The following NHLRC2 variants were observed in gnomAD, a reference collection of about 807,000 sequenced individuals.
NHLRC2 encodes the protein NHL repeat containing 2.
NHLRC2 carries 33 observed loss-of-function variants against 68.1 expected under a neutral mutation model. The ratio of observed to expected loss-of-function variants is 0.48; its 90% confidence interval spans 0.37 to 0.65. The LOEUF is 0.65. Ranked by LOEUF, NHLRC2 falls within the 30% of genes least tolerant of loss-of-function variation. NHLRC2 has a pLI of 0.00. For missense variants in NHLRC2, 761 were observed against 853.8 expected (o/e 0.89, Z 1.35); for synonymous variants, 311 against 309.6 (o/e 1.00, Z -0.05).
chr10:113,864,461 A>C (rs915684552), intron 2 of NHLRC2, among the ~76,000 whole-genome samples: 6 of 152,190 alleles, frequency 3.9e-5, no homozygotes, highest in African/African-American at 1.2e-4. Context: ...GCACTTTGGG[A>C]GGCCAAGGCA....
intron 5 of NHLRC2, among the ~76,000 whole-genome samples, chr10:113,888,864 T>C (rs1174006853): frequency 1.4e-5 from 2 of 147,854 alleles, no homozygotes; most frequent in Non-Finnish European, 3.0e-5. Context: ...GCTCGCCATA[T>C]CACCTAGGCT....
intron 5 of NHLRC2, among the ~76,000 whole-genome samples, chr10:113,896,014 C>T (rs1846173714): frequency 6.6e-6 from 1 of 152,122 alleles, no homozygotes; most frequent in South Asian, 2.1e-4. Context: ...AGTCAGGAAA[C>T]AGCAGGTGCT....
intron 4 of NHLRC2, among the ~76,000 whole-genome samples, chr10:113,882,054 G>A (rs866579189): frequency 1.3e-5 from 2 of 151,790 alleles, no homozygotes; most frequent in South Asian, 4.1e-4. Flanking sequence ...GTATTCTGTT[G>A]TGTGAATATA....
chr10:113,877,035 G>A lies in NHLRC2; in HGVS notation c.787+59G>A, dbSNP rs370477215. On this transcript the variant is annotated intron_variant, in intron 3 of 10. Coordinates refer to ENST00000369301, the MANE Select transcript of NHLRC2 (RefSeq NM_198514.4). ...GTTTTACAGTAAAAAAATAGTTCAA[G>A]GTAAATATAAAAGTTGAAATGTCTA... The A allele has an allele frequency of 3.7e-5, 37 of 996,640 alleles. No individual in the cohort carries two copies. The African/African-American group carries it at 4.1e-4, about 11-fold the overall frequency. 61.7% of individuals were successfully genotyped at this position (996,640 alleles called of 1,614,324 possible).
chr10:113,902,700 A>T (rs1846239413), intron 8 of NHLRC2, 107 bp downstream of exon 8: 1 of 970,746 alleles, frequency 1.0e-6, no homozygotes, highest in Non-Finnish European at 1.6e-6. Flanking sequence ...TATAGAAAGG[A>T]GTAACAGTCT....
chr10:113,891,645 G>C (rs1846132752), intron 5 of NHLRC2, among the ~76,000 whole-genome samples: 1 of 152,150 alleles, frequency 6.6e-6, no homozygotes, highest in South Asian at 2.1e-4. Context: ...CTTAGTGTTA[G>C]TGCTCTACCC....
chr10:113,884,255 A>C lies in NHLRC2; in HGVS notation c.914A>C (p.Asp305Ala). Residue 305 changes from aspartate (D) to alanine (A), a missense_variant, in exon 5 of 11, where the codon GAC becomes GCC. Physicochemically the swap from Asp to Ala is moderately radical, Grantham distance 126 (BLOSUM62 -2). Coordinates refer to ENST00000369301, the MANE Select transcript of NHLRC2 (RefSeq NM_198514.4). ...CCATCCTTTGAATTTCTATAGATTG[A>C]CCTAGAAGCTGAGAAGGTGAGCACT... ...DTENHLIRKI[D>A]LEAEKVSTVA... is the part of the protein sequence containing the mutation. 4 of 1,608,208 alleles carry C rather than the reference A, an allele frequency of 2.5e-6. No homozygotes were observed. Among genetic ancestry groups the C allele is most frequent in the Non-Finnish European group, 3.4e-6 (4 of 1,176,178 alleles).
intron 2 of NHLRC2, among the ~76,000 whole-genome samples, chr10:113,874,374 T>C (rs1034003613): frequency 3.3e-5 from 5 of 151,352 alleles, no homozygotes; most frequent in African/African-American, 7.3e-5. Context: ...CCCACCACCT[T>C]TACCCACATC....
intron 1 of NHLRC2, among the ~76,000 whole-genome samples, chr10:113,855,404 C>G (rs904010463): frequency 6.6e-6 from 1 of 152,206 alleles, no homozygotes; most frequent in African/African-American, 2.4e-5. Context: ...CCAGTGTCTT[C>G]TGGTCATCTT....
intron 2 of NHLRC2, among the ~76,000 whole-genome samples, chr10:113,859,701 G>T (rs1419269242): frequency 6.6e-6 from 1 of 152,134 alleles, no homozygotes; most frequent in South Asian, 2.1e-4. Context: ...AGTGTTTCTT[G>T]TTCAAGACAT....
rs559961766 is a variant in NHLRC2 at position 113,868,337 on chromosome 10, C to G, written c.332-8184C>G. Among the ~76,000 whole-genome samples, 15 of 152,222 alleles carry G rather than the reference C, an allele frequency of 9.9e-5. No individual in the cohort carries two copies. In the South Asian group the frequency reaches 3.1e-3, roughly 32 times the overall value. On this transcript the variant is annotated intron_variant, in intron 2 of 10. Transcript: ENST00000369301. ...TTCTCTTAAATGGAGTAATTTTGAT[C>G]CCTATGTTGGCAAAGGATTCATAAA...
At chr10:113,894,639 G>A (rs1416148180) in intron 5 of NHLRC2, among the ~76,000 whole-genome samples, 1 of 151,500 alleles carries the variant, frequency 6.6e-6, no homozygotes, top group African/African-American at 2.4e-5. Flanking sequence ...AGGTATCTTT[G>A]TCTCATTTTT....
intron 2 of NHLRC2, among the ~76,000 whole-genome samples, chr10:113,861,353 A>G (rs1276826024): frequency 6.6e-6 from 1 of 152,246 alleles, no homozygotes; most frequent in East Asian, 1.9e-4. Flanking sequence ...CTCAAAGAGA[A>G]TCATGCCAAG....
Position 113,910,056 on chromosome 10 carries a change from T to C in NHLRC2, c.*1520T>C, listed in dbSNP as rs1380936626. The C allele has an allele frequency of 5.9e-5, 9 of 152,182 alleles. No homozygotes were observed. The highest frequency in any genetic ancestry group is 3.2e-3 in the Middle Eastern group (1 of 316). 9.4% of individuals were successfully genotyped at this position (152,182 alleles called of 1,614,324 possible). On this transcript the variant is annotated 3_prime_UTR_variant, in exon 11 of 11. Transcript: ENST00000369301. ...CTGAAGCTACTTTTAAAGAGAAATATAGATATAAAATTAAAAGGAATCCTG... is the reference window on the plus strand; with the variant it reads ...CTGAAGCTACTTTTAAAGAGAAATACAGATATAAAATTAAAAGGAATCCTG...
intron 2 of NHLRC2, among the ~76,000 whole-genome samples, chr10:113,864,698 A>C (rs1210329174): frequency 6.6e-6 from 1 of 151,378 alleles, no homozygotes; most frequent in Non-Finnish European, 1.5e-5. Flanking sequence ...TCCGTCTAAA[A>C]AAAAAAAAAA....
At chr10:113,904,058 C>G (rs1846252139) in intron 9 of NHLRC2, among the ~76,000 whole-genome samples, 1 of 149,778 alleles carries the variant, frequency 6.7e-6, no homozygotes, top group Non-Finnish European at 1.5e-5. Context: ...ACACTACATA[C>G]ACCTGCTCTG....
In NHLRC2 at chr10:113,913,847, GTTTT is replaced by G. The variant is rs1166883832; in HGVS notation, c.*5326_*5329del. ...AGGTACTTTTTGTTGTTGTTGTTTT[GTTTT>G]TTTTTTTTTTTTTTGAGATGGAGTC... On this transcript the variant is annotated 3_prime_UTR_variant, in exon 11 of 11. Coordinates refer to ENST00000369301, the MANE Select transcript of NHLRC2 (RefSeq NM_198514.4). 3 of 121,498 alleles carry G rather than the reference GTTTT, an allele frequency of 2.5e-5. No individual in the cohort carries two copies. Among genetic ancestry groups the G allele is most frequent in the East Asian group, 2.3e-4 (1 of 4,264 alleles). 7.5% of individuals were successfully genotyped at this position (121,498 alleles called of 1,614,324 possible).
Position 113,877,028 on chromosome 10 carries a change from A to G in NHLRC2, c.787+52A>G, listed in dbSNP as rs117254876. On this transcript the variant is annotated intron_variant, in intron 3 of 10. Coordinates refer to ENST00000369301, the MANE Select transcript of NHLRC2 (RefSeq NM_198514.4). ...ATAACGTGTTTTACAGTAAAAAAAT[A>G]GTTCAAGGTAAATATAAAAGTTGAA... The G allele has an allele frequency of 5.3e-3, 5,559 of 1,055,226 alleles. 25 individuals are homozygous for G. Among genetic ancestry groups the G allele is most frequent in the Non-Finnish European group, 6.7e-3 (4,959 of 734,820 alleles). 65.4% of individuals were successfully genotyped at this position (1,055,226 alleles called of 1,614,324 possible).
intron 3 of NHLRC2, among the ~76,000 whole-genome samples, chr10:113,879,117 G>C (rs1846013296): frequency 6.6e-6 from 1 of 152,146 alleles, no homozygotes; most frequent in African/African-American, 2.4e-5. Flanking sequence ...TTCTTAATCT[G>C]GGGTCCTTGG....
Sources: allele counts gnomAD v4.1 joint callset (sites outside exome capture counted in the v4.1 genomes callset), GRCh38; gene constraint gnomAD v4.1.1; transcripts MANE v1.5; gene names NCBI Gene and HGNC (gene_info 2026-07-23, HGNC 2026-07-21).